The following SPESP1 variants were observed in gnomAD, a reference collection of about 807,000 sequenced individuals.
SPESP1 encodes the protein equatorial segment protein.
A neutral mutation model predicts 3.1 loss-of-function variants in SPESP1; 1 was observed. The observed-to-expected ratio is 0.33, with a 90% CI of 0.12 to 1.54. SPESP1 has a LOEUF of 1.54. Ranked by LOEUF, SPESP1 falls within the 40% of genes most tolerant of loss-of-function variation. SPESP1 has a pLI of 0.38. For synonymous variants in SPESP1, 138 were observed against 150.7 expected, an observed-to-expected ratio of 0.92 and a Z score of 0.62; for missense variants, 398 against 410.1, an observed-to-expected ratio of 0.97 and a Z score of 0.26.
At chr15:68,934,446 C>T (rs901805407) in intron 1 of SPESP1, among the ~76,000 whole-genome samples, 2 of 152,164 alleles carry the variant, frequency 1.3e-5, no homozygotes, top group African/African-American at 4.8e-5. Flanking sequence ...AGCTAGTGCC[C>T]AAGGCTACAG....
rs1025246692 is a variant in SPESP1, at chr15:68,930,539, C to G, written c.-115C>G. Reference sequence around the variant, plus strand: ...TGGGGACAACCGTTGCTGGGTGTCCCAGGGCCTGAGGCAGGACGGTACTCC... The same window carrying G: ...TGGGGACAACCGTTGCTGGGTGTCCGAGGGCCTGAGGCAGGACGGTACTCC... On this transcript the variant is annotated 5_prime_UTR_variant, in exon 1 of 2. Transcript: ENST00000310673. 6.9e-7 allele frequency: 1 copy of G among 1,438,910 alleles called. No homozygotes were observed. Among genetic ancestry groups the G allele is most frequent in the East Asian group, 2.3e-5 (1 of 42,916 alleles). 89.1% of individuals were successfully genotyped at this position (1,438,910 alleles called of 1,614,324 possible). A position where few individuals can be genotyped will look rare whatever the true frequency, so the allele number is the denominator to read the frequency against.
At chr15:68,943,959 G>GT in intron 1 of SPESP1, among the ~76,000 whole-genome samples, 1 of 152,104 alleles carries the variant, frequency 6.6e-6, no homozygotes, top group Admixed American at 6.6e-5. Context: ...ATACAAAGCA[G>GT]TTTTTGAGTA....
chr15:68,931,697 A>G (rs1162089800), intron 1 of SPESP1, among the ~76,000 whole-genome samples: 1 of 152,192 alleles, frequency 6.6e-6, no homozygotes, highest in Non-Finnish European at 1.5e-5. Context: ...CTGAAAACCA[A>G]TAAGGTCAAA....
At chr15:68,936,077 A>G (rs1352636037) in intron 1 of SPESP1, among the ~76,000 whole-genome samples, 3 of 152,212 alleles carry the variant, frequency 2.0e-5, no homozygotes, top group African/African-American at 7.2e-5. Flanking sequence ...ATGTATAGAA[A>G]ATACAAGCAA....
At chr15:68,936,817 T>C (rs563549105) in intron 1 of SPESP1, among the ~76,000 whole-genome samples, 17 of 152,202 alleles carry the variant, frequency 1.1e-4, no homozygotes, top group Non-Finnish European at 2.5e-4. Flanking sequence ...GTTTATGTGA[T>C]CTAAACTTAC....
At chr15:68,935,275 C>G (rs576496051) in intron 1 of SPESP1, among the ~76,000 whole-genome samples, 3 of 152,234 alleles carry the variant, frequency 2.0e-5, no homozygotes, top group Non-Finnish European at 4.4e-5. Context: ...TGTATTGTGG[C>G]AAAAATGACT....
chr15:68,930,537 C>T lies in SPESP1; in HGVS notation c.-117C>T, dbSNP rs1431739636. The T allele has an allele frequency of 8.6e-6, 12 of 1,392,672 alleles. No homozygotes were observed. The highest frequency in any genetic ancestry group is 2.4e-5 in the South Asian group (2 of 82,136). The allele number at this position is 1,392,672 out of a possible 1,614,324, so 86.3% of individuals were successfully genotyped here. On this transcript the variant is annotated 5_prime_UTR_variant, in exon 1 of 2. Coordinates refer to ENST00000310673, the MANE Select transcript of SPESP1 (RefSeq NM_145658.4). ...GCTGGGGACAACCGTTGCTGGGTGTCCCAGGGCCTGAGGCAGGACGGTACT... is the reference window on the plus strand; with the variant it reads ...GCTGGGGACAACCGTTGCTGGGTGTTCCAGGGCCTGAGGCAGGACGGTACT...
chr15:68,939,346 T>C (rs1895759341), intron 1 of SPESP1, among the ~76,000 whole-genome samples: 1 of 152,234 alleles, frequency 6.6e-6, no homozygotes, highest in Non-Finnish European at 1.5e-5. Context: ...ACACAACTTC[T>C]AGCAAGATTG....
intron 1 of SPESP1, among the ~76,000 whole-genome samples, chr15:68,936,465 G>T (rs1373447459): frequency 6.6e-6 from 1 of 152,168 alleles, no homozygotes; most frequent in Non-Finnish European, 1.5e-5. Flanking sequence ...CTCACAAAAG[G>T]ACACATATCG....
chr15:68,934,613 A>G (rs1895637358), intron 1 of SPESP1, among the ~76,000 whole-genome samples: 1 of 152,108 alleles, frequency 6.6e-6, no homozygotes, highest in African/African-American at 2.4e-5. Flanking sequence ...TTGATGTTTT[A>G]TGGGGGAAAA....
At chr15:68,932,427 C>G (rs1292476348) in intron 1 of SPESP1, among the ~76,000 whole-genome samples, 1 of 145,904 alleles carries the variant, frequency 6.9e-6, no homozygotes, top group Non-Finnish European at 1.5e-5. Flanking sequence ...GTCTCACTCT[C>G]TAGCTCAGAC....
Position 68,946,350 on chromosome 15 carries a change from A to G in SPESP1, c.816A>G (p.Glu272=). The change falls in exon 2 of 2, where the codon GAA becomes GAG. Residue 272 remains glutamate (E), a synonymous_variant. Transcript: ENST00000310673. ...GCCTTGCTCTAGCAGCAGCAGCAGA[A>G]CATAAATTAAAAACAATGTATAAGT... is the stretch of plus-strand genomic sequence containing the variant. ...KRSLALAAAA[E]HKLKTMYKSQ... The G allele has an allele frequency of 1.9e-6, 3 of 1,614,216 alleles. No homozygotes were observed. Among genetic ancestry groups the G allele is most frequent in the Non-Finnish European group, 2.5e-6 (3 of 1,180,042 alleles).
rs150402217 is a variant in SPESP1 at position 68,938,914 on chromosome 15, ATCAT to A, written c.65-6681_65-6678del. On this transcript the variant is annotated intron_variant, in intron 1 of 1. Transcript: ENST00000310673. ...TGGGTATAGTGCCTGGCACATAGTG[ATCAT>A]TCAATCAGTGGAAGCTATTAGGATC... 6.9e-3 allele frequency among the ~76,000 whole-genome samples: 1,054 copies of A among 152,326 alleles called. 15 individuals carry two copies. Among genetic ancestry groups the A allele is most frequent in the African/African-American group, 0.024 (995 of 41,552 alleles).
At position 68,932,746 on chromosome 15, in the gene SPESP1, A is replaced by G. The variant is rs540387356; in HGVS notation, c.64+2029A>G. Among the ~76,000 whole-genome samples the G allele has an allele frequency of 2.0e-5, 3 of 152,320 alleles. No individual in the cohort carries two copies. The East Asian group carries it at 5.8e-4, about 29-fold the overall frequency. Reference sequence around the variant, plus strand: ...CCTAATCTTTCTTGGGAAGAAAGAAAAGGGTTGTAGGAAATGAAAAGACGC... The same window carrying G: ...CCTAATCTTTCTTGGGAAGAAAGAAGAGGGTTGTAGGAAATGAAAAGACGC... On this transcript the variant is annotated intron_variant, in intron 1 of 1. Coordinates refer to ENST00000310673, the MANE Select transcript of SPESP1 (RefSeq NM_145658.4).
intron 1 of SPESP1, among the ~76,000 whole-genome samples, chr15:68,940,536 C>T (rs1895792462): frequency 6.6e-6 from 1 of 152,022 alleles, no homozygotes; most frequent in African/African-American, 2.4e-5. Flanking sequence ...TATTGATATA[C>T]CTGTTAATTC....
intron 1 of SPESP1, among the ~76,000 whole-genome samples, chr15:68,940,483 G>T (rs1301856600): frequency 2.0e-5 from 3 of 152,016 alleles, no homozygotes; most frequent in African/African-American, 7.2e-5. Context: ...TCTTTTTCCA[G>T]TTTGATAGAA....
At chr15:68,940,384 T>C (rs528448003) in intron 1 of SPESP1, among the ~76,000 whole-genome samples, 1 of 152,302 alleles carries the variant, frequency 6.6e-6, no homozygotes, top group East Asian at 1.9e-4. Context: ...ATAAGGACTT[T>C]ACAAAACACA....
chr15:68,942,911 T>C (rs892012732), intron 1 of SPESP1, among the ~76,000 whole-genome samples: 1 of 105,778 alleles, frequency 9.5e-6, no homozygotes, highest in African/African-American at 3.2e-5. Flanking sequence ...AAGACTCTGA[T>C]TCAGGACAAT....
Position 68,945,832 on chromosome 15 carries a change from A to G in SPESP1, c.298A>G (p.Thr100Ala), listed in dbSNP as rs563359805. ...CAATCCTATCAGTGAAGAAACTACA[A>G]CTTTCCCTACAGGAGGCTTCACACC... ...LTNPISEETT[T>A]FPTGGFTPEI... Residue 100 changes from threonine to alanine, a missense_variant, in exon 2 of 2, where the codon ACT becomes GCT. Transcript: ENST00000310673. 2.9e-4 allele frequency: 476 copies of G among 1,614,086 alleles called. 11 individuals carry two copies. In the South Asian group the frequency reaches 5.0e-3, roughly 17 times the overall value.
Sources: gnomAD v4.1 joint callset for allele counts (sites outside exome capture counted in the v4.1 genomes callset) on GRCh38, gnomAD v4.1.1 for gene constraint, MANE v1.5 for transcripts, NCBI Gene and HGNC (gene_info 2026-07-23, HGNC 2026-07-21) for gene names.